KRTAP9-7: variants seen among roughly 807,000 people sequenced by gnomAD.
KRTAP9-7 encodes keratin-associated protein 9-7.
For missense variants in KRTAP9-7, 157 were observed against 198.3 expected (o/e 0.79, Z 1.25); for synonymous variants, 68 against 72.5 (o/e 0.94, Z 0.32).
chr17:41,275,896 G>C (rs776994219), exon 1 of KRTAP9-7: 214 of 1,610,540 alleles, frequency 1.3e-4, no homozygotes, highest in Middle Eastern at 3.3e-4. Flanking sequence ...GCCCACCTGT[G>C]TGACCAGCTG....
At chr17:41,276,119 G>A (rs552638863) in exon 1 of KRTAP9-7, 82 of 1,612,464 alleles carry the variant, frequency 5.1e-5, no homozygotes, top group Middle Eastern at 5.0e-4. Flanking sequence ...CCGTGCTGCC[G>A]CCCAGCCTGC....
chr17:41,276,012 C>T (rs759482422), exon 1 of KRTAP9-7: 2 of 1,614,134 alleles, frequency 1.2e-6, no homozygotes, highest in East Asian at 2.2e-5. Context: ...AGCCCAGCTC[C>T]TGTGCACCCA....
At chr17:41,275,830 C>G (rs771340780) in exon 1 of KRTAP9-7, 8 of 1,592,376 alleles carry the variant, frequency 5.0e-6, no homozygotes, top group Non-Finnish European at 6.8e-6. Context: ...CTGCTGCCAG[C>G]CTTGCTGCCA....
At chr17:41,276,179 C>T in exon 1 of KRTAP9-7, 2 of 1,614,168 alleles carry the variant, frequency 1.2e-6, no homozygotes, top group Non-Finnish European at 1.7e-6. Context: ...ACCTGTGTGA[C>T]CAGCTGCTGT....
exon 1 of KRTAP9-7, chr17:41,275,978 C>T (rs769222159): frequency 3.7e-6 from 6 of 1,613,538 alleles, no homozygotes; most frequent in Non-Finnish European, 5.1e-6. Context: ...TGTGGCCAAA[C>T]CAGCTGTGGG....
At chr17:41,276,057 T>C in exon 1 of KRTAP9-7, 1 of 1,612,800 alleles carries the variant, frequency 6.2e-7, no homozygotes. Context: ...ACCCCACGAG[T>C]GTCTACCTGC....
At chr17:41,275,991 C>T in exon 1 of KRTAP9-7, 2 of 1,613,974 alleles carry the variant, frequency 1.2e-6, no homozygotes, top group Non-Finnish European at 1.7e-6. Flanking sequence ...GCTGTGGGTC[C>T]AGCTGCTGCC....
exon 1 of KRTAP9-7, chr17:41,276,023 T>TCTA (rs1173421256): frequency 6.2e-7 from 1 of 1,613,388 alleles, no homozygotes; most frequent in African/African-American, 1.3e-5. Context: ...TGTGCACCCA[T>TCTA]CTACTGCAGG....
At chr17:41,275,971 G>A (rs2016518901) in exon 1 of KRTAP9-7, 3 of 1,613,234 alleles carry the variant, frequency 1.9e-6, no homozygotes, top group Admixed American at 1.7e-5. Flanking sequence ...CAGCTGCTGT[G>A]GCCAAACCAG....
At chr17:41,276,118 C>A (rs745497350) in exon 1 of KRTAP9-7, 1 of 1,613,722 alleles carries the variant, frequency 6.2e-7, no homozygotes, top group East Asian at 2.2e-5. Context: ...GCCGTGCTGC[C>A]GCCCAGCCTG....
At chr17:41,275,918 C>T in exon 1 of KRTAP9-7, 5 of 1,613,186 alleles carry the variant, frequency 3.1e-6, no homozygotes, top group Admixed American at 1.7e-5. Context: ...TGCCAGCCTT[C>T]CTGCTGCAGC....
exon 1 of KRTAP9-7, chr17:41,275,955 T>C (rs1309824977): frequency 6.2e-7 from 1 of 1,611,104 alleles, no homozygotes. Flanking sequence ...CCATCTGCTG[T>C]GGGTCCAGCT....
At chr17:41,276,029 G>A (rs756288264) in exon 1 of KRTAP9-7, 4 of 1,613,600 alleles carry the variant, frequency 2.5e-6, no homozygotes, top group Admixed American at 1.7e-5. Flanking sequence ...CCCATCTACT[G>A]CAGGAGAACC....
chr17:41,275,997 C>T (rs1235096316), exon 1 of KRTAP9-7: 1 of 1,614,080 alleles, frequency 6.2e-7, no homozygotes, highest in Non-Finnish European at 8.5e-7. Context: ...GGTCCAGCTG[C>T]TGCCAGCCCA....
exon 1 of KRTAP9-7, chr17:41,276,126 C>A (rs2016521866): frequency 6.2e-7 from 1 of 1,611,488 alleles, no homozygotes; most frequent in South Asian, 1.1e-5. Context: ...GCCGCCCAGC[C>A]TGCTGTGAGA....
exon 1 of KRTAP9-7, chr17:41,276,104 G>T: frequency 1.9e-6 from 3 of 1,613,804 alleles, no homozygotes; most frequent in Non-Finnish European, 2.5e-6. Context: ...TCCAGCTGCT[G>T]CCAGCCGTGC....
At chr17:41,275,973 C>T (rs1008665548) in exon 1 of KRTAP9-7, 23 of 1,613,554 alleles carry the variant, frequency 1.4e-5, no homozygotes, top group Admixed American at 5.0e-5. Context: ...GCTGCTGTGG[C>T]CAAACCAGCT....
At chr17:41,276,149 G>A (rs2016522119) in exon 1 of KRTAP9-7, 2 of 1,614,130 alleles carry the variant, frequency 1.2e-6, no homozygotes, top group South Asian at 2.2e-5. Context: ...ACCTGCTGCA[G>A]GACCACTTGC....
chr17:41,276,080 A>G (rs995156257), exon 1 of KRTAP9-7: 15 of 1,608,054 alleles, frequency 9.3e-6, no homozygotes, highest in Admixed American at 1.7e-5. Context: ...GGTTGCCTAA[A>G]CCAGAGCTGT....
Sources: allele counts gnomAD v4.1 joint callset, GRCh38; gene constraint gnomAD v4.1.1; transcripts MANE v1.5; gene names NCBI Gene and HGNC (gene_info 2026-07-23, HGNC 2026-07-21).